Variants in ELL2 observed in about 807,000 individuals in gnomAD.
The protein encoded by ELL2 is RNA polymerase II elongation factor ELL2.
In ELL2, 21 loss-of-function variants were observed where a neutral mutation model predicts 72.8. The ratio of observed to expected loss-of-function variants is 0.29; its 90% confidence interval spans 0.20 to 0.42. The LOEUF (loss-of-function observed/expected upper bound fraction) is 0.42, where lower values mean the gene tolerates loss of function less well. Ranked by LOEUF, ELL2 falls within the 10% of genes least tolerant of loss-of-function variation. The pLI, the probability that ELL2 is intolerant of heterozygous loss-of-function variation, is 1.00. For missense variants in ELL2, 568 were observed against 772.8 expected (o/e 0.73, Z 3.14); for synonymous variants, 266 against 283.2 (o/e 0.94, Z 0.61).
At chr5:95,889,837 C>T (rs926407262) in intron 10 of ELL2, among the ~76,000 whole-genome samples, 2 of 144,420 alleles carry the variant, frequency 1.4e-5, no homozygotes, top group African/African-American at 5.2e-5. Context: ...AAACACACTT[C>T]GAAAGAATAC....
chr5:95,931,938 T>C (rs1218765405), intron 2 of ELL2, among the ~76,000 whole-genome samples: 1 of 150,034 alleles, frequency 6.7e-6, no homozygotes, highest in Non-Finnish European at 1.5e-5. Context: ...AAGCATTCAA[T>C]CTTCATAAAT....
At chr5:95,907,456 C>T (rs1301608529) in intron 4 of ELL2, among the ~76,000 whole-genome samples, 1 of 151,948 alleles carries the variant, frequency 6.6e-6, no homozygotes, top group East Asian at 1.9e-4. Flanking sequence ...CAAAGGAGGC[C>T]TTCACACCAT....
At chr5:95,915,484 T>C (rs1475563426) in intron 3 of ELL2, among the ~76,000 whole-genome samples, 1 of 152,226 alleles carries the variant, frequency 6.6e-6, no homozygotes, top group Admixed American at 6.5e-5. Context: ...TTAATTCATC[T>C]CATAAATATT....
chr5:95,908,816 T>C (rs1410498817), intron 4 of ELL2, among the ~76,000 whole-genome samples: 1 of 152,092 alleles, frequency 6.6e-6, no homozygotes, highest in Non-Finnish European at 1.5e-5. Flanking sequence ...CCTTAACAAG[T>C]CTTGCAAAAA....
Position 95,943,023 on chromosome 5 carries a change from G to A in ELL2, c.174C>T (p.Ile58=), listed in dbSNP as rs200726193. ...HKNLIPFRPS[I]QFQGLHGLVK... is the part of the protein sequence containing the mutation. ...TCACCCCGTGGAGTCCTTGGAACTG[G>A]ATTGAAGGTCGAAAAGGAATTAAAT... is the stretch of plus-strand genomic sequence containing the variant. The change falls in exon 2 of 12, where the codon ATC becomes ATT. Residue 58 remains isoleucine (I), a synonymous_variant. Transcript: ENST00000237853. 1 of 1,601,766 alleles carries A rather than the reference G, an allele frequency of 6.2e-7. No homozygotes were observed. The highest frequency in any genetic ancestry group is 8.5e-7 in the Non-Finnish European group (1 of 1,173,920).
chr5:95,887,967 T>G lies in ELL2; in HGVS notation c.*904A>C, dbSNP rs1028841318. Reference sequence around the variant, plus strand: ...TTGTCTTCCACAACAAAAGTAGCAATTTGATAGAAGAAAAAAAACAAAAAA... The same window carrying G: ...TTGTCTTCCACAACAAAAGTAGCAAGTTGATAGAAGAAAAAAAACAAAAAA... On this transcript the variant is annotated 3_prime_UTR_variant, in exon 12 of 12. Transcript: ENST00000237853. The G allele has an allele frequency of 6.6e-5, 10 of 152,508 alleles. No individual in the cohort carries two copies. Among genetic ancestry groups the G allele is most frequent in the Admixed American group, 2.0e-4 (3 of 15,280 alleles). 9.4% of individuals were successfully genotyped at this position (152,508 alleles called of 1,614,324 possible). A position where few individuals can be genotyped will look rare whatever the true frequency, so the allele number is the denominator to read the frequency against.
Position 95,927,368 on chromosome 5 carries a change from CATACACACACACACGTGTGTATATATAG to C in ELL2, c.196-7851_196-7824del, listed in dbSNP as rs1561503967. Among the ~76,000 whole-genome samples, 9 of 106,222 alleles carry C rather than the reference CATACACACACACACGTGTGTATATATAG, an allele frequency of 8.5e-5. 2 individuals carry two copies. The highest frequency in any genetic ancestry group is 7.2e-4 in the East Asian group (2 of 2,768). 69.7% of individuals were successfully genotyped at this position (106,222 alleles called of 152,430 possible). A position where few individuals can be genotyped will look rare whatever the true frequency, so the allele number is the denominator to read the frequency against. On this transcript the variant is annotated intron_variant, in intron 2 of 11. Coordinates refer to ENST00000237853, the MANE Select transcript of ELL2 (RefSeq NM_012081.6). The stretch of plus-strand genomic sequence containing the variant: ...CAGTATGTGTATGTGTATATATAGA[CATACACACACACACGTGTGTATATATAG>C]ACATACACACACGTGTGTATATAGA...
chr5:95,939,642 T>G (rs1750898832), intron 2 of ELL2, among the ~76,000 whole-genome samples: 1 of 152,214 alleles, frequency 6.6e-6, no homozygotes, highest in Admixed American at 6.5e-5. Context: ...ATTAACTGTG[T>G]GTCTTTAGAC....
chr5:95,908,794 A>C (rs1749473317), intron 4 of ELL2, among the ~76,000 whole-genome samples: 2 of 152,152 alleles, frequency 1.3e-5, no homozygotes, highest in Non-Finnish European at 2.9e-5. Context: ...TATAAATTCC[A>C]CACTCCCTCC....
rs1266413169 is a variant in ELL2, at chr5:95,950,925, T to C, written c.148-7876A>G. On this transcript the variant is annotated intron_variant, in intron 1 of 11. Coordinates refer to ENST00000237853, the MANE Select transcript of ELL2 (RefSeq NM_012081.6). ...ATGTGTATATATATATATATATATA[T>C]ATATATATATATATATATATATATA... Among the ~76,000 whole-genome samples, 925 of 112,450 alleles carry C rather than the reference T, an allele frequency of 8.2e-3. 32 individuals carry two copies. Among genetic ancestry groups the C allele is most frequent in the African/African-American group, 0.033 (857 of 25,586 alleles). 73.8% of individuals were successfully genotyped at this position (112,450 alleles called of 152,430 possible).
chr5:95,900,679 T>C lies in ELL2; in HGVS notation c.954+14A>G. On this transcript the variant is annotated intron_variant, in intron 7 of 11. Transcript: ENST00000237853. Reference sequence around the variant, plus strand: ...TATCTATGTCAGGTCTATAATTCTATGTTTATGACATACCTGAGGAGAAGA... The same window carrying C: ...TATCTATGTCAGGTCTATAATTCTACGTTTATGACATACCTGAGGAGAAGA... 2 of 1,552,312 alleles carry C rather than the reference T, an allele frequency of 1.3e-6. No individual in the cohort carries two copies. Among genetic ancestry groups the C allele is most frequent in the Non-Finnish European group, 1.7e-6 (2 of 1,145,220 alleles).
At chr5:95,907,343 AAACT>A (rs1455879695) in intron 4 of ELL2, among the ~76,000 whole-genome samples, 3 of 146,600 alleles carry the variant, frequency 2.0e-5, no homozygotes, top group East Asian at 2.0e-4. Context: ...TCATAAAACA[AAACT>A]AACCAACCAA....
intron 5 of ELL2, among the ~76,000 whole-genome samples, chr5:95,905,908 G>A (rs1397382867): frequency 1.3e-5 from 2 of 152,074 alleles, no homozygotes; most frequent in Non-Finnish European, 2.9e-5. Flanking sequence ...ATATGTAGGA[G>A]GTTATAGTCT....
chr5:95,919,275 G>T (rs1749954886), intron 3 of ELL2, 149 bp downstream of exon 3: 2 of 982,226 alleles, frequency 2.0e-6, no homozygotes, highest in Admixed American at 3.9e-5. Context: ...CACAGTAGGT[G>T]CTTAATATTT....
At position 95,927,486 on chromosome 5, in the gene ELL2, T is replaced by C. The variant is rs571024576; in HGVS notation, c.196-7941A>G. 9.9e-4 allele frequency among the ~76,000 whole-genome samples: 26 copies of C among 26,352 alleles called. 1 individual carries two copies. Among genetic ancestry groups the C allele is most frequent in the Non-Finnish European group, 1.3e-3 (21 of 16,462 alleles). The allele number at this position is 26,352 out of a possible 152,430, so 17.3% of individuals were successfully genotyped here. On this transcript the variant is annotated intron_variant, in intron 2 of 11. Transcript: ENST00000237853. ...GTGTGTATATAGACATACACACACG[T>C]GTGTATATAGACATACACACACGTG...
intron 4 of ELL2, among the ~76,000 whole-genome samples, chr5:95,907,292 A>T (rs1433503720): frequency 2.6e-5 from 2 of 76,068 alleles, no homozygotes; most frequent in African/African-American, 1.5e-4. Flanking sequence ...ATATATATAT[A>T]TATATTTTTT....
chr5:95,944,455 A>G (rs1751081094), intron 1 of ELL2, among the ~76,000 whole-genome samples: 1 of 152,230 alleles, frequency 6.6e-6, no homozygotes, highest in South Asian at 2.1e-4. Flanking sequence ...TAAAAAGGAA[A>G]AATAAAAAGG....
At position 95,948,158 on chromosome 5, in the gene ELL2, C is replaced by T. The variant is rs987942335; in HGVS notation, c.148-5109G>A. On this transcript the variant is annotated intron_variant, in intron 1 of 11. Transcript: ENST00000237853. ...AATGTTTTTAAAAATGCCATAAGGC[C>T]GGGCGTGGTTGCTCACGCCTGTAAT... Among the ~76,000 whole-genome samples, 14 of 152,128 alleles carry T rather than the reference C, an allele frequency of 9.2e-5. No homozygotes were observed. In the South Asian group the frequency reaches 2.7e-3, roughly 29 times the overall value.
intron 7 of ELL2, 100 bp from the exon 8 acceptor site, chr5:95,898,910 T>TTG: frequency 2.4e-6 from 2 of 846,446 alleles, no homozygotes; most frequent in Non-Finnish European, 3.4e-6. Context: ...CCTTACTTAC[T>TTG]ATTAATATTA....
Sources: allele counts gnomAD v4.1 joint callset (sites outside exome capture counted in the v4.1 genomes callset), GRCh38; gene constraint gnomAD v4.1.1; transcripts MANE v1.5; gene names NCBI Gene and HGNC (gene_info 2026-07-23, HGNC 2026-07-21).